DPP10: variants seen among roughly 807,000 people sequenced by gnomAD.
The protein encoded by DPP10 is dipeptidyl peptidase like 10.
Under a neutral mutation model 120.9 loss-of-function variants are expected in DPP10, and 33 were observed. The observed-to-expected ratio is 0.27, with a 90% CI of 0.21 to 0.37. The LOEUF is 0.37. Among genes scored for constraint, DPP10 ranks in the 10% least tolerant of loss-of-function variants. The pLI, the probability that DPP10 is intolerant of heterozygous loss-of-function variation, is 1.00. For missense variants in DPP10, 816 were observed against 942.8 expected (o/e 0.87, Z 1.76); for synonymous variants, 337 against 326.1 (o/e 1.03, Z -0.36).
chr2:115,215,262 CTTTG>C (rs929379503), intron 1 of DPP10, among the ~76,000 whole-genome samples: 13 of 152,136 alleles, frequency 8.5e-5, no homozygotes, highest in East Asian at 7.7e-4. Context: ...GAAGAAATAT[CTTTG>C]TTTGTTTTTA....
At chr2:115,268,191 C>T (rs1036025728) in intron 1 of DPP10, among the ~76,000 whole-genome samples, 3 of 152,154 alleles carry the variant, frequency 2.0e-5, no homozygotes, top group Non-Finnish European at 4.4e-5. Context: ...CTCCTACTAG[C>T]TCTTTGCACT....
chr2:114,669,866 A>C (rs993485580), intron 1 of DPP10, among the ~76,000 whole-genome samples: 1 of 152,168 alleles, frequency 6.6e-6, no homozygotes, highest in Non-Finnish European at 1.5e-5. Flanking sequence ...GACCCCATTT[A>C]ATGTCTGCAA....
intron 1 of DPP10, among the ~76,000 whole-genome samples, chr2:114,521,952 C>T (rs1467466779): frequency 2.0e-4 from 30 of 146,676 alleles, no homozygotes; most frequent in South Asian, 4.4e-4. Context: ...GGACTACAGG[C>T]GCCCGCCACC....
At chr2:115,831,361 G>A (rs558479050) in intron 21 of DPP10, among the ~76,000 whole-genome samples, 7 of 152,032 alleles carry the variant, frequency 4.6e-5, no homozygotes, top group Admixed American at 1.3e-4. Context: ...CAATTCTCCT[G>A]CCTCAGCCTC....
chr2:115,076,850 A>G (rs1447782171), intron 1 of DPP10, among the ~76,000 whole-genome samples: 2 of 152,230 alleles, frequency 1.3e-5, no homozygotes, highest in Non-Finnish European at 2.9e-5. Context: ...CATATGTGAG[A>G]GTTTTATACA....
At chr2:115,565,500 G>A (rs2080944345) in intron 5 of DPP10, among the ~76,000 whole-genome samples, 1 of 151,924 alleles carries the variant, frequency 6.6e-6, no homozygotes, top group South Asian at 2.1e-4. Flanking sequence ...AAGACTAGAG[G>A]TCATATTCAT....
chr2:115,779,832 A>G (rs1682539501), intron 15 of DPP10, among the ~76,000 whole-genome samples: 1 of 152,028 alleles, frequency 6.6e-6, no homozygotes, highest in East Asian at 1.9e-4. Flanking sequence ...CATGAGTGAA[A>G]CTAATATGAT....
intron 1 of DPP10, among the ~76,000 whole-genome samples, chr2:114,497,317 ATGTATACGTG>A (rs1558814183): frequency 1.7e-4 from 6 of 35,888 alleles, no homozygotes; most frequent in African/African-American, 4.5e-4. Flanking sequence ...ATACATGTAC[ATGTATACGTG>A]TATACATGTA....
rs200083965 is a variant in DPP10 at position 114,937,378 on chromosome 2, G to GA, written c.61-371853dup. Among the ~76,000 whole-genome samples, 1,121 of 151,874 alleles carry GA rather than the reference G, an allele frequency of 7.4e-3. 16 individuals carry two copies. The highest frequency in any genetic ancestry group is 0.025 in the African/African-American group (1,051 of 41,438). ...CACACTTTGTTTTGTTTGCTTTGTTGAAAAAAAAGTTGCCTGTAAGTATTC... is the reference window on the plus strand; with the variant it reads ...CACACTTTGTTTTGTTTGCTTTGTTGAAAAAAAAAGTTGCCTGTAAGTATTC... On this transcript the variant is annotated intron_variant, in intron 1 of 25. Coordinates refer to ENST00000410059, the MANE Select transcript of DPP10 (RefSeq NM_020868.6).
intron 1 of DPP10, among the ~76,000 whole-genome samples, chr2:114,527,968 G>T (rs989721114): frequency 3.3e-5 from 5 of 152,144 alleles, no homozygotes; most frequent in Admixed American, 1.3e-4. Context: ...TGTCCAAAAC[G>T]TCTTTCTGAG....
At chr2:114,879,810 T>C (rs977910804) in intron 1 of DPP10, among the ~76,000 whole-genome samples, 1 of 152,124 alleles carries the variant, frequency 6.6e-6, no homozygotes, top group Non-Finnish European at 1.5e-5. Flanking sequence ...CCACTTCCTC[T>C]CACTGACAGG....
At chr2:114,766,597 A>G (rs73949010) in intron 1 of DPP10, among the ~76,000 whole-genome samples, 2,048 of 152,308 alleles carry the variant, frequency 0.013, 65 homozygotes, top group African/African-American at 0.047. Context: ...ACTCAGCAAT[A>G]AAAAGGAACA....
At chr2:115,142,187 G>A (rs1430417395) in intron 1 of DPP10, among the ~76,000 whole-genome samples, 7 of 152,140 alleles carry the variant, frequency 4.6e-5, no homozygotes, top group Admixed American at 3.9e-4. Flanking sequence ...TACTTTAAAG[G>A]CTGCACTCCT....
intron 1 of DPP10, among the ~76,000 whole-genome samples, chr2:114,535,721 T>A (rs1686429226): frequency 6.6e-6 from 1 of 152,170 alleles, no homozygotes; most frequent in Non-Finnish European, 1.5e-5. Context: ...AGACAGTTTT[T>A]TTTTCTGAAT....
chr2:115,820,454 A>C (rs1169289420), intron 21 of DPP10, among the ~76,000 whole-genome samples: 1 of 148,980 alleles, frequency 6.7e-6, no homozygotes, highest in African/African-American at 2.5e-5. Context: ...ATTTCAACAG[A>C]GGTTTGAGGA....
At chr2:115,367,743 G>T (rs2065163359) in intron 3 of DPP10, among the ~76,000 whole-genome samples, 1 of 151,808 alleles carries the variant, frequency 6.6e-6, no homozygotes, top group Non-Finnish European at 1.5e-5. Flanking sequence ...ACATCTTTTT[G>T]TTATGTGTAT....
chr2:115,346,430 A>G (rs191821857), intron 3 of DPP10, among the ~76,000 whole-genome samples: 1 of 152,276 alleles, frequency 6.6e-6, no homozygotes, highest in East Asian at 1.9e-4. Flanking sequence ...GAGGGAGTCT[A>G]GACGGCCCTG....
intron 1 of DPP10, among the ~76,000 whole-genome samples, chr2:115,016,818 C>T (rs1439500048): frequency 6.6e-6 from 1 of 151,978 alleles, no homozygotes; most frequent in African/African-American, 2.4e-5. Flanking sequence ...AAATGTCCAA[C>T]AATGATAGAC....
intron 1 of DPP10, among the ~76,000 whole-genome samples, chr2:114,741,552 A>AT (rs1330471927): frequency 2.6e-5 from 4 of 152,182 alleles, no homozygotes; most frequent in Admixed American, 2.0e-4. Flanking sequence ...TATATGTTCA[A>AT]TTGTGTTCCC....
Sources: allele counts gnomAD v4.1 joint callset (sites outside exome capture counted in the v4.1 genomes callset), GRCh38; gene constraint gnomAD v4.1.1; transcripts MANE v1.5; gene names NCBI Gene and HGNC (gene_info 2026-07-23, HGNC 2026-07-21).